The following IGSF21 variants were observed in gnomAD, a reference collection of about 807,000 sequenced individuals.
IGSF21 encodes the protein immunoglobulin superfamily member 21.
IGSF21 carries 28 observed loss-of-function variants against 46.8 expected under a neutral mutation model. The observed-to-expected ratio is 0.60, with a 90% CI of 0.44 to 0.82. The LOEUF (loss-of-function observed/expected upper bound fraction) is 0.82, where lower values mean the gene tolerates loss of function less well. IGSF21 is among the 40% of genes least tolerant of loss of function. The pLI is 0.00. For missense variants in IGSF21, 624 were observed against 665.5 expected, an observed-to-expected ratio of 0.94 and a Z score of 0.69; for synonymous variants, 284 against 273.6, an observed-to-expected ratio of 1.04 and a Z score of -0.38.
intron 1 of IGSF21, among the ~76,000 whole-genome samples, chr1:18,198,203 C>T (rs531770461): frequency 3.4e-4 from 52 of 152,316 alleles, no homozygotes; most frequent in African/African-American, 1.2e-3. Context: ...CTGGACAATG[C>T]CATTTTCTGA....
intron 6 of IGSF21, among the ~76,000 whole-genome samples, chr1:18,372,866 G>GGGTGGA (rs2086242451): frequency 8.6e-6 from 1 of 115,854 alleles, no homozygotes; most frequent in Admixed American, 9.4e-5. Flanking sequence ...GGATGGATGG[G>GGGTGGA]TGGATGGATG....
intron 1 of IGSF21, among the ~76,000 whole-genome samples, chr1:18,150,884 C>A (rs1393107931): frequency 6.6e-6 from 1 of 152,216 alleles, no homozygotes; most frequent in African/African-American, 2.4e-5. Context: ...GGCCCCTGAG[C>A]TGATGGGGCG....
At chr1:18,169,756 T>TC (rs1160567146) in intron 1 of IGSF21, among the ~76,000 whole-genome samples, 3 of 151,736 alleles carry the variant, frequency 2.0e-5, no homozygotes, top group African/African-American at 7.3e-5. Flanking sequence ...AATCATGGAG[T>TC]CCTGGGGGTG....
chr1:18,171,217 T>C (rs1212371088), intron 1 of IGSF21, among the ~76,000 whole-genome samples: 1 of 151,964 alleles, frequency 6.6e-6, no homozygotes, highest in Non-Finnish European at 1.5e-5. Context: ...TGAGCCATGA[T>C]TAAAAGGTCA....
At chr1:18,123,893 C>CT (rs1289716308) in intron 1 of IGSF21, among the ~76,000 whole-genome samples, 1 of 152,188 alleles carries the variant, frequency 6.6e-6, no homozygotes, top group Non-Finnish European at 1.5e-5. Flanking sequence ...AATTCCCTAG[C>CT]TGTAGGCCCC....
At chr1:18,209,558 G>A (rs533220933) in intron 1 of IGSF21, among the ~76,000 whole-genome samples, 25 of 151,346 alleles carry the variant, frequency 1.7e-4, no homozygotes, top group African/African-American at 4.6e-4. Context: ...GGGTTCATGC[G>A]ATTCTCCTGC....
intron 4 of IGSF21, chr1:18,361,893 C>A: frequency 1.8e-6 from 1 of 553,460 alleles, no homozygotes; most frequent in South Asian, 2.2e-5. Flanking sequence ...GTCTTCTACA[C>A]TAAACTGTAA....
chr1:18,134,823 AC>A (rs1353335660), intron 1 of IGSF21, among the ~76,000 whole-genome samples: 8 of 152,222 alleles, frequency 5.3e-5, no homozygotes, highest in Non-Finnish European at 7.3e-5. Context: ...ACCTGCTCAG[AC>A]CGGGGCCTCA....
At position 18,182,361 on chromosome 1, in the gene IGSF21, T is replaced by C. The variant is rs2086865572; in HGVS notation, c.71-45537T>C. Reference sequence around the variant, plus strand: ...CCGGCTAATTTTTTTGTATTTTTAGTAGAGACAGGGTTTTGCCATGTTGGT... The same window carrying C: ...CCGGCTAATTTTTTTGTATTTTTAGCAGAGACAGGGTTTTGCCATGTTGGT... On this transcript the variant is annotated intron_variant, in intron 1 of 9. Transcript: ENST00000251296. Among the ~76,000 whole-genome samples, 3 of 152,228 alleles carry C rather than the reference T, an allele frequency of 2.0e-5. No homozygotes were observed. In the South Asian group the frequency reaches 6.2e-4, roughly 32 times the overall value.
At chr1:18,364,074 T>C (rs12131260) in intron 5 of IGSF21, among the ~76,000 whole-genome samples, 19,006 of 151,996 alleles carry the variant, frequency 0.13, 1,240 homozygotes, top group East Asian at 0.18. Flanking sequence ...CCAGGGGCTG[T>C]AGGAAGACCC....
chr1:18,273,153 C>A (rs111656938), intron 2 of IGSF21, among the ~76,000 whole-genome samples: 31,985 of 149,136 alleles, frequency 0.21, 3,556 homozygotes, highest in African/African-American at 0.27. Context: ...TCAAGCAGTT[C>A]TCATGCCTCA....
intron 4 of IGSF21, among the ~76,000 whole-genome samples, chr1:18,341,039 TTCTTCC>T (rs1488063980): frequency 3.5e-4 from 32 of 90,476 alleles, no homozygotes; most frequent in African/African-American, 1.1e-3. Context: ...CTTCTTCTTC[TTCTTCC>T]TCTTCCTCTT....
chr1:18,307,707 C>T (rs764793256), intron 3 of IGSF21, among the ~76,000 whole-genome samples: 11 of 152,204 alleles, frequency 7.2e-5, no homozygotes, highest in South Asian at 2.1e-4. Context: ...CTGTGGTCGG[C>T]CTCTGCCGGG....
chr1:18,266,799 C>T (rs1269115980), intron 2 of IGSF21, among the ~76,000 whole-genome samples: 1 of 152,218 alleles, frequency 6.6e-6, no homozygotes, highest in African/African-American at 2.4e-5. Context: ...TTGCAATTCA[C>T]TACGTGACAC....
chr1:18,177,460 T>C (rs2086813612), intron 1 of IGSF21, among the ~76,000 whole-genome samples: 1 of 151,830 alleles, frequency 6.6e-6, no homozygotes, highest in African/African-American at 2.4e-5. Context: ...TACATATGCA[T>C]AAACCTATCT....
intron 6 of IGSF21, among the ~76,000 whole-genome samples, chr1:18,371,338 G>A (rs909958709): frequency 1.3e-5 from 2 of 152,180 alleles, no homozygotes; most frequent in African/African-American, 4.8e-5. Flanking sequence ...TTGGGAGGCC[G>A]AGGCAGGTGG....
At position 18,337,459 on chromosome 1, in the gene IGSF21, C is replaced by T. The variant is rs1557650101; in HGVS notation, c.424+2449C>T. ...CTGATGTGCCCACTCCTGGGCACAA[C>T]TGTGTCTGCCTCCCTCTTGCCCCTG... On this transcript the variant is annotated intron_variant, in intron 4 of 9. Coordinates refer to ENST00000251296, the MANE Select transcript of IGSF21 (RefSeq NM_032880.5). The surrounding 1 kb of genome is among the most constrained non-coding windows in gnomAD (Gnocchi z 5.7). Among the ~76,000 whole-genome samples the T allele has an allele frequency of 6.6e-6, 1 of 152,186 alleles. No individual in the cohort carries two copies. The highest frequency in any genetic ancestry group is 2.1e-4 in the South Asian group (1 of 4,818).
intron 2 of IGSF21, among the ~76,000 whole-genome samples, chr1:18,269,097 G>A (rs1557616094): frequency 1.3e-5 from 2 of 152,238 alleles, no homozygotes; most frequent in African/African-American, 2.4e-5. Flanking sequence ...ATGGGGCGCA[G>A]GAGGAGCTGC....
chr1:18,131,639 A>C (rs1225552303), intron 1 of IGSF21, among the ~76,000 whole-genome samples: 2 of 152,224 alleles, frequency 1.3e-5, no homozygotes, highest in African/African-American at 4.8e-5. Flanking sequence ...GTTTATTTTT[A>C]GCTCACATCA....
Sources: gnomAD v4.1 joint callset for allele counts (sites outside exome capture counted in the v4.1 genomes callset) on GRCh38, gnomAD v4.1.1 for gene constraint, Gnocchi (gnomAD v3.1) non-coding constraint, MANE v1.5 for transcripts, NCBI Gene and HGNC (gene_info 2026-07-23, HGNC 2026-07-21) for gene names.